The following NOS2 variants were observed in gnomAD, a reference collection of about 807,000 sequenced individuals.
The protein encoded by NOS2 is nitric oxide synthase, inducible.
A neutral mutation model predicts 136.0 loss-of-function variants in NOS2; 96 were observed. That is an observed-to-expected ratio of 0.71 (90% CI 0.60 to 0.84). The LOEUF (loss-of-function observed/expected upper bound fraction) is 0.84, where lower values mean the gene tolerates loss of function less well. Among genes scored for constraint, NOS2 ranks in the 40% least tolerant of loss-of-function variants. NOS2 has a pLI of 0.00. For synonymous variants in NOS2, 539 were observed against 587.5 expected (o/e 0.92, Z 1.20); for missense variants, 1,237 against 1,496.9 (o/e 0.83, Z 2.87).
rs1908822978 is a variant in NOS2, at chr17:27,780,934, C to T, written c.865-28G>A. 3.1e-6 allele frequency: 5 copies of T among 1,602,988 alleles called. No homozygotes were observed. In the East Asian group the frequency reaches 1.1e-4, roughly 36 times the overall value. ...GGGGAACAAGACGGGCCCTGTGAGTCTGTAAGCCCGGGCTGCGTGTCTCCT... is the reference window on the plus strand; with the variant it reads ...GGGGAACAAGACGGGCCCTGTGAGTTTGTAAGCCCGGGCTGCGTGTCTCCT... On this transcript the variant is annotated intron_variant, in intron 8 of 26. Coordinates refer to ENST00000313735, the MANE Select transcript of NOS2 (RefSeq NM_000625.4).
intron 24 of NOS2, 125 bp downstream of exon 24, chr17:27,760,498 G>C (rs1908083943): frequency 7.5e-7 from 1 of 1,333,518 alleles, no homozygotes; most frequent in African/African-American, 1.5e-5. Flanking sequence ...GGCCCGCACA[G>C]GGAAGCAAAC....
intron 18 of NOS2, 91 bp downstream of exon 18, chr17:27,767,614 G>A: frequency 6.8e-7 from 1 of 1,471,516 alleles, no homozygotes; most frequent in Non-Finnish European, 9.1e-7. Context: ...AGCTGTCTCT[G>A]TTCAGAAAGA....
In NOS2 at chr17:27,756,838, A is replaced by C. The variant is rs750273194; in HGVS notation, c.*408T>G. ...TCATACAGGGAAGACCCAAGTGGCC[A>C]TGGGGAACAGACTGGGTGTTAGTTT... On this transcript the variant is annotated 3_prime_UTR_variant, in exon 27 of 27. Coordinates refer to ENST00000313735, the MANE Select transcript of NOS2 (RefSeq NM_000625.4). 38 of 172,496 alleles carry C rather than the reference A, an allele frequency of 2.2e-4. No individual in the cohort carries two copies. Among genetic ancestry groups the C allele is most frequent in the Non-Finnish European group, 3.4e-4 (28 of 82,214 alleles). 10.7% of individuals were successfully genotyped at this position (172,496 alleles called of 1,614,324 possible).
chr17:27,772,478 C>T (rs759497224), intron 13 of NOS2, 26 bp from the exon 14 acceptor site: 19 of 1,612,546 alleles, frequency 1.2e-5, no homozygotes, highest in East Asian at 2.2e-5. Context: ...GACAGGCAGG[C>T]GCTGTGTGCT....
At chr17:27,788,756 G>A in intron 4 of NOS2, 53 bp downstream of exon 4, 1 of 1,579,660 alleles carries the variant, frequency 6.3e-7, no homozygotes, top group East Asian at 2.3e-5. Context: ...CAAAGCCCTG[G>A]CAGCTTCACC....
intron 2 of NOS2, among the ~76,000 whole-genome samples, chr17:27,792,675 T>C (rs1909227976): frequency 2.6e-5 from 4 of 152,012 alleles, no homozygotes; most frequent in African/African-American, 9.7e-5. Context: ...CTCAAGGACC[T>C]GCATTCAAAG....
In NOS2 at chr17:27,800,498, G is replaced by A. The variant is rs557441753; in HGVS notation, c.-233C>T. On this transcript the variant is annotated 5_prime_UTR_variant, in exon 1 of 27. Transcript: ENST00000313735. ...AATGAGGCTGAGTTCTCTGCGGCCG[G>A]AGCCTCAGTTTTCGACTCGCTACAA... is the stretch of plus-strand genomic sequence containing the variant. 1 of 152,296 alleles carries A rather than the reference G, an allele frequency of 6.6e-6. No homozygotes were observed. Among genetic ancestry groups the A allele is most frequent in the African/African-American group, 2.4e-5 (1 of 41,534 alleles). The allele number at this position is 152,296 out of a possible 1,614,324, so 9.4% of individuals were successfully genotyped here. A position where few individuals can be genotyped will look rare whatever the true frequency, so the allele number is the denominator to read the frequency against.
chr17:27,780,685 G>A, intron 9 of NOS2, 82 bp downstream of exon 9: 3 of 1,584,350 alleles, frequency 1.9e-6, no homozygotes, highest in East Asian at 2.2e-5. Context: ...GGAAGGTATG[G>A]GGAAGGCTGG....
At position 27,789,590 on chromosome 17, in the gene NOS2, T is replaced by TG; in HGVS notation, c.195+13dup. ...GGGAGGAAGGGGCTTCCCACACCCA[T>TG]GTGACTCACTGACCTTTCCCGTCTC... On this transcript the variant is annotated intron_variant, in intron 3 of 26. Coordinates refer to ENST00000313735, the MANE Select transcript of NOS2 (RefSeq NM_000625.4). 1 of 1,603,360 alleles carries TG rather than the reference T, an allele frequency of 6.2e-7. No individual in the cohort carries two copies. Among genetic ancestry groups the TG allele is most frequent in the Middle Eastern group, 1.7e-4 (1 of 6,044 alleles).
intron 13 of NOS2, among the ~76,000 whole-genome samples, chr17:27,772,707 G>A (rs1380185551): frequency 1.3e-5 from 2 of 152,092 alleles, no homozygotes; most frequent in African/African-American, 4.8e-5. Context: ...TGGAATTGGC[G>A]ACTGGACCTC....
intron 15 of NOS2, 106 bp from the exon 16 acceptor site, chr17:27,769,690 G>T: frequency 1.0e-6 from 1 of 957,904 alleles, no homozygotes; most frequent in Non-Finnish European, 1.7e-6. Flanking sequence ...AAGGCTCACA[G>T]CCCACCACGG....
chr17:27,766,316 T>C (rs1597545871), intron 19 of NOS2, among the ~76,000 whole-genome samples, 194 bp downstream of exon 19: 1 of 152,176 alleles, frequency 6.6e-6, no homozygotes, highest in Non-Finnish European at 1.5e-5. Context: ...AAGTGGCTCG[T>C]GGTTAACCAA....
At chr17:27,776,311 G>T (rs376877285) in intron 11 of NOS2, among the ~76,000 whole-genome samples, 1 of 152,302 alleles carries the variant, frequency 6.6e-6, no homozygotes, top group South Asian at 2.1e-4. Flanking sequence ...TCTTGTGGAC[G>T]TGGGCTCTCA....
intron 11 of NOS2, 38 bp from the exon 12 acceptor site, chr17:27,774,489 T>TG: frequency 7.2e-7 from 1 of 1,397,038 alleles, no homozygotes; most frequent in Non-Finnish European, 9.4e-7. Flanking sequence ...GAGATAAGGG[T>TG]GGGGGAATCA....
chr17:27,778,954 G>A lies in NOS2; in HGVS notation c.1107C>T (p.Phe369=). Residue 369 remains phenylalanine (F), a synonymous_variant, in exon 10 of 27, where the codon TTC becomes TTT. Coordinates refer to ENST00000313735, the MANE Select transcript of NOS2 (RefSeq NM_000625.4). ...VGGLEFPGCP[F]NGWYMGTEIG... The stretch of plus-strand genomic sequence containing the variant: ...TCTCTGTGCCCATGTACCAGCCATT[G>A]AAGGGGCACCCTGGGAACTCCAGGC... 1 of 1,613,062 alleles carries A rather than the reference G, an allele frequency of 6.2e-7. No homozygotes were observed. The highest frequency in any genetic ancestry group is 2.2e-5 in the East Asian group (1 of 44,848).
At chr17:27,793,710 G>A (rs1909266044) in intron 2 of NOS2, 2 of 393,988 alleles carry the variant, frequency 5.1e-6, no homozygotes, top group Admixed American at 4.4e-5. Context: ...GGCTCCTTAG[G>A]CGCAGCTCCG....
chr17:27,775,149 G>A (rs1329154389), intron 11 of NOS2, among the ~76,000 whole-genome samples: 1 of 152,358 alleles, frequency 6.6e-6, no homozygotes, highest in East Asian at 1.9e-4. Context: ...TCTCATCTGT[G>A]AAATGGGAGT....
intron 20 of NOS2, among the ~76,000 whole-genome samples, chr17:27,764,664 A>C (rs1908239227): frequency 1.3e-5 from 2 of 152,224 alleles, no homozygotes; most frequent in Admixed American, 1.3e-4. Flanking sequence ...CCCACTTCTG[A>C]GGTGACTGAA....
rs1908118710 is a variant in NOS2 at position 27,761,226 on chromosome 17, G to A, written c.2806C>T (p.Gln936Ter). ...CAGACGCCGTGGTGCAGGGGACCCTGGCCATCTGCAACGATACCACAAAGT... is the reference window on the plus strand; with the variant it reads ...CAGACGCCGTGGTGCAGGGGACCCTAGCCATCTGCAACGATACCACAAAGT... ...AVVTYHTRDG[Q>*]GPLHHGVCST... The change falls in exon 23 of 27, where the codon CAG becomes TAG. Residue 936 changes from glutamine (Q) to a stop codon, truncating the protein, a stop_gained. Transcript: ENST00000313735. LOFTEE classifies it high-confidence loss of function. 1 of 1,605,990 alleles carries A rather than the reference G, an allele frequency of 6.2e-7. No individual in the cohort carries two copies. Among genetic ancestry groups the A allele is most frequent in the Admixed American group, 1.7e-5 (1 of 59,032 alleles).
Sources: gnomAD v4.1 joint callset for allele counts (sites outside exome capture counted in the v4.1 genomes callset) on GRCh38, gnomAD v4.1.1 for gene constraint, MANE v1.5 for transcripts, NCBI Gene and HGNC (gene_info 2026-07-23, HGNC 2026-07-21) for gene names.